The following YAP1 variants were observed in gnomAD, a reference collection of about 807,000 sequenced individuals.
YAP1 encodes the protein transcriptional coactivator YAP1.
YAP1 carries 5 observed loss-of-function variants against 56.9 expected under a neutral mutation model. That is an observed-to-expected ratio of 0.09 (90% CI 0.05 to 0.18). The LOEUF (loss-of-function observed/expected upper bound fraction) is 0.18. Ranked by LOEUF, YAP1 falls within the 10% of genes least tolerant of loss-of-function variation. The pLI is 1.00. For synonymous variants in YAP1, 265 were observed against 248.1 expected (o/e 1.07, Z -0.64); for missense variants, 539 against 651.8 (o/e 0.83, Z 1.88).
intron 2 of YAP1, among the ~76,000 whole-genome samples, chr11:102,130,268 G>T (rs1191836179): frequency 6.6e-6 from 1 of 152,168 alleles, no homozygotes; most frequent in Non-Finnish European, 1.5e-5. Context: ...AAATAAGGAA[G>T]TGTGTCAGAA....
intron 1 of YAP1, chr11:102,112,741 C>G (rs955891405): frequency 3.0e-6 from 3 of 985,338 alleles, no homozygotes; most frequent in Non-Finnish European, 3.6e-6. Context: ...TTCAATTTGT[C>G]TTAGGTATGC....
At position 102,162,589 on chromosome 11, in the gene YAP1, A is replaced by G. The variant is rs1168097697; in HGVS notation, c.688+18A>G. Reference sequence around the variant, plus strand: ...GGCTTCAGGTGAGTGAGACACTGTAATTACAGCACATGGAGTAATGCTTAC... The same window carrying G: ...GGCTTCAGGTGAGTGAGACACTGTAGTTACAGCACATGGAGTAATGCTTAC... On this transcript the variant is annotated intron_variant, in intron 3 of 8. Coordinates refer to ENST00000282441, the MANE Select transcript of YAP1 (RefSeq NM_001130145.3). The G allele has an allele frequency of 3.1e-6, 5 of 1,605,734 alleles. No individual in the cohort carries two copies. The South Asian group carries it at 4.4e-5, about 14-fold the overall frequency.
At chr11:102,127,535 G>A (rs1295189259) in intron 2 of YAP1, among the ~76,000 whole-genome samples, 2 of 152,244 alleles carry the variant, frequency 1.3e-5, no homozygotes, top group Admixed American at 6.5e-5. Context: ...TCAGATGCAT[G>A]GAAATGCCTG....
intron 8 of YAP1, among the ~76,000 whole-genome samples, chr11:102,228,634 CAAAAAAAA>C (rs71059544): frequency 0.068 from 2,153 of 31,610 alleles, 75 homozygotes; most frequent in African/African-American, 0.16. Flanking sequence ...GACTCCGTCT[CAAAAAAAA>C]AAAAAAAAAA....
In YAP1 at chr11:102,200,251, C is replaced by A. The variant is rs1358241727; in HGVS notation, c.803-5642C>A. Among the ~76,000 whole-genome samples the A allele has an allele frequency of 2.0e-5, 3 of 152,114 alleles. No individual in the cohort carries two copies. In the East Asian group the frequency reaches 5.8e-4, roughly 29 times the overall value. ...GATGAGGGGAAAGATACACAGTTAGCATATGGAAGAAGATAAAATTAGATC... is the reference window on the plus strand; with the variant it reads ...GATGAGGGGAAAGATACACAGTTAGAATATGGAAGAAGATAAAATTAGATC... On this transcript the variant is annotated intron_variant, in intron 4 of 8. Transcript: ENST00000282441.
intron 1 of YAP1, chr11:102,112,425 C>CTTTTT (rs751339753): frequency 2.2e-4 from 178 of 826,954 alleles, no homozygotes; most frequent in African/African-American, 8.0e-4. Flanking sequence ...ATTTCTTCTT[C>CTTTTT]TTTTTTTTTT....
intron 2 of YAP1, among the ~76,000 whole-genome samples, chr11:102,121,304 G>T (rs1318482371): frequency 6.6e-6 from 1 of 152,022 alleles, no homozygotes; most frequent in Non-Finnish European, 1.5e-5. Context: ...GCCGAGCATG[G>T]TGGCACCTGC....
At chr11:102,126,511 T>C (rs1944043529) in intron 2 of YAP1, among the ~76,000 whole-genome samples, 1 of 152,200 alleles carries the variant, frequency 6.6e-6, no homozygotes, top group African/African-American at 2.4e-5. Flanking sequence ...CTCATTTCTC[T>C]CTTGCCCCCG....
intron 1 of YAP1, 71 bp from the exon 2 acceptor site, chr11:102,114,073 G>A (rs1943129122): frequency 1.5e-5 from 23 of 1,485,164 alleles, no homozygotes; most frequent in Non-Finnish European, 2.0e-5. Context: ...ATTAAGCGCT[G>A]ACTGGGAAAT....
intron 3 of YAP1, among the ~76,000 whole-genome samples, chr11:102,177,079 A>T (rs901034474): frequency 6.6e-6 from 1 of 152,122 alleles, no homozygotes. Flanking sequence ...GAAGGTAGAG[A>T]GAAGAGTTCC....
chr11:102,208,645 T>G (rs570690330), intron 5 of YAP1, among the ~76,000 whole-genome samples: 5 of 152,300 alleles, frequency 3.3e-5, no homozygotes, highest in African/African-American at 1.2e-4. Flanking sequence ...AAAAGAGCAG[T>G]TTTAAAATAT....
At chr11:102,111,785 C>T (rs1260614985) in intron 1 of YAP1, among the ~76,000 whole-genome samples, 1 of 151,994 alleles carries the variant, frequency 6.6e-6, no homozygotes, top group Non-Finnish European at 1.5e-5. Context: ...GGGGTAGAAC[C>T]GGTCCATTTA....
chr11:102,120,836 G>A (rs1943604813), intron 2 of YAP1, among the ~76,000 whole-genome samples: 1 of 152,212 alleles, frequency 6.6e-6, no homozygotes, highest in Non-Finnish European at 1.5e-5. Context: ...TGACAAAATG[G>A]AATGTAGTAT....
At chr11:102,162,285 T>G (rs1591280259) in intron 2 of YAP1, among the ~76,000 whole-genome samples, 171 bp from the exon 3 acceptor site, 1 of 152,306 alleles carries the variant, frequency 6.6e-6, no homozygotes, top group East Asian at 1.9e-4. Context: ...TTGAGTGATT[T>G]AAGGGTGAAA....
chr11:102,223,506 A>C (rs371054771), intron 6 of YAP1, 116 bp from the exon 7 acceptor site: 1 of 1,095,510 alleles, frequency 9.1e-7, no homozygotes, highest in Admixed American at 2.9e-5. Flanking sequence ...TTAACTTTAA[A>C]GTAGATGTTT....
At chr11:102,195,414 A>G (rs1050682437) in intron 4 of YAP1, among the ~76,000 whole-genome samples, 1 of 152,214 alleles carries the variant, frequency 6.6e-6, no homozygotes, top group Admixed American at 6.5e-5. Flanking sequence ...TTGAACAGCT[A>G]AAGATGTGAA....
At chr11:102,121,640 T>G (rs1029801880) in intron 2 of YAP1, among the ~76,000 whole-genome samples, 1 of 152,108 alleles carries the variant, frequency 6.6e-6, no homozygotes, top group Non-Finnish European at 1.5e-5. Flanking sequence ...AGTTGTCAGA[T>G]CCAAAGACTG....
At chr11:102,152,037 A>G (rs1945687057) in intron 2 of YAP1, among the ~76,000 whole-genome samples, 1 of 152,226 alleles carries the variant, frequency 6.6e-6, no homozygotes. Context: ...TGTAACTGCC[A>G]GATATTTTCC....
chr11:102,111,240 C>T (rs1235338627), intron 1 of YAP1, 71 bp downstream of exon 1: 13 of 1,572,150 alleles, frequency 8.3e-6, no homozygotes, highest in African/African-American at 5.4e-5. Flanking sequence ...TCGGGAGCCG[C>T]GGCCGCCAGC....
Sources: gnomAD v4.1 joint callset for allele counts (sites outside exome capture counted in the v4.1 genomes callset) on GRCh38, gnomAD v4.1.1 for gene constraint, MANE v1.5 for transcripts, NCBI Gene and HGNC (gene_info 2026-07-23, HGNC 2026-07-21) for gene names.